PEMT: variants seen among roughly 807,000 people sequenced by gnomAD.
PEMT encodes the protein phosphatidylethanolamine N-methyltransferase, also known as phospholipid methyltransferase.
A neutral mutation model predicts 27.4 loss-of-function variants in PEMT; 23 were observed. That is an observed-to-expected ratio of 0.84 (90% CI 0.60 to 1.19). PEMT has a LOEUF of 1.19. PEMT is among the 50% of genes most tolerant of loss of function. The probability of loss-of-function intolerance (pLI) is 0.00; values close to 1 mark genes in which losing one functional copy is unlikely to be tolerated. For synonymous variants in PEMT, 137 were observed against 139.1 expected, an observed-to-expected ratio of 0.98 and a Z score of 0.11; for missense variants, 307 against 310.1, an observed-to-expected ratio of 0.99 and a Z score of 0.07.
intron 3 of PEMT, 54 bp downstream of exon 3, chr17:17,522,226 G>T (rs147655774): frequency 3.8e-6 from 5 of 1,305,784 alleles, no homozygotes; most frequent in Non-Finnish European, 5.5e-6. Context: ...CACCAGTAGC[G>T]GCCCTCCCGC....
rs70963033 is a variant in PEMT at position 17,515,421 on chromosome 17, C to A, written c.321-2767G>T. On this transcript the variant is annotated intron_variant, in intron 3 of 6. Transcript: ENST00000255389. ...ATTTGCCCCAGACCTGACCCTCAGT[C>A]CCCCAGCTGCTCCTCCGCCTACGGC... 3.3e-3 allele frequency among the ~76,000 whole-genome samples: 504 copies of A among 152,288 alleles called. 13 individuals carry two copies. The East Asian group carries it at 0.084, about 25-fold the overall frequency.
At chr17:17,545,871 T>C (rs577198065) in intron 2 of PEMT, among the ~76,000 whole-genome samples, 43 of 152,290 alleles carry the variant, frequency 2.8e-4, no homozygotes, top group African/African-American at 1.0e-3. Flanking sequence ...TACTTTTCTG[T>C]ATGCTTAAAA....
Position 17,512,392 on chromosome 17 carries a change from G to A in PEMT, c.466+117C>T. On this transcript the variant is annotated intron_variant, in intron 4 of 6. Coordinates refer to ENST00000255389, the MANE Select transcript of PEMT (RefSeq NM_148172.3). The surrounding 1 kb of genome is among the most constrained non-coding windows in gnomAD (Gnocchi z 6.3). The stretch of plus-strand genomic sequence containing the variant: ...GAGGAGCAAAGACGCCCCGATGGAG[G>A]GGGCCCCTAGCACTCCCACCGATGT... 1 of 1,023,758 alleles carries A rather than the reference G, an allele frequency of 9.8e-7. No homozygotes were observed. Among genetic ancestry groups the A allele is most frequent in the Non-Finnish European group, 1.3e-6 (1 of 751,766 alleles). 63.4% of individuals were successfully genotyped at this position (1,023,758 alleles called of 1,614,324 possible).
chr17:17,514,524 T>A (rs974717828), intron 3 of PEMT, among the ~76,000 whole-genome samples: 2 of 152,190 alleles, frequency 1.3e-5, no homozygotes, highest in Non-Finnish European at 2.9e-5. Context: ...ACAGCGGCAT[T>A]CGGGTGTCAG....
intron 2 of PEMT, among the ~76,000 whole-genome samples, chr17:17,534,781 C>T (rs957452551): frequency 2.0e-5 from 3 of 152,110 alleles, no homozygotes; most frequent in Admixed American, 2.0e-4. Flanking sequence ...TGCTGCAGCA[C>T]GAATGCACTC....
At chr17:17,588,830 G>A (rs1288656980) in intron 1 of PEMT, among the ~76,000 whole-genome samples, 4 of 152,252 alleles carry the variant, frequency 2.6e-5, no homozygotes, top group African/African-American at 9.6e-5. Flanking sequence ...TCAGGCAGCT[G>A]CCCAGCTGAG....
intron 2 of PEMT, among the ~76,000 whole-genome samples, chr17:17,553,422 T>A (rs1353642907): frequency 6.6e-6 from 1 of 152,180 alleles, no homozygotes; most frequent in East Asian, 1.9e-4. Context: ...CGACAAGAGA[T>A]GGAAAGAGCG....
chr17:17,587,771 G>A (rs1327976115), intron 1 of PEMT, among the ~76,000 whole-genome samples: 3 of 152,168 alleles, frequency 2.0e-5, no homozygotes, highest in Non-Finnish European at 2.9e-5. Context: ...AGCTACTCGG[G>A]AGCCTGAGGT....
chr17:17,564,207 A>G (rs899621550), intron 2 of PEMT, among the ~76,000 whole-genome samples: 1 of 152,130 alleles, frequency 6.6e-6, no homozygotes, highest in Non-Finnish European at 1.5e-5. Context: ...CACTGGTCCC[A>G]CAGTTGCTTC....
chr17:17,565,798 A>G (rs1182424397), intron 2 of PEMT, among the ~76,000 whole-genome samples: 3 of 152,262 alleles, frequency 2.0e-5, no homozygotes, highest in Admixed American at 6.5e-5. Flanking sequence ...CCTAGAGGCC[A>G]TGAGAATTTT....
chr17:17,576,806 G>T, intron 2 of PEMT, 114 bp downstream of exon 2: 6 of 801,530 alleles, frequency 7.5e-6, no homozygotes, highest in Non-Finnish European at 1.3e-5. Flanking sequence ...GGAGGGAAGA[G>T]CAGAGCTGTC....
At position 17,505,811 on chromosome 17, in the gene PEMT, C is replaced by T. The variant is rs70965427; in HGVS notation, c.691G>A (p.Gly231Arg). 2.7e-3 allele frequency: 4,310 copies of T among 1,611,400 alleles called. 8 individuals are homozygous for T. Among genetic ancestry groups the T allele is most frequent in the Non-Finnish European group, 3.5e-3 (4,089 of 1,178,652 alleles). ...TAEIYRQKAS[G>R]SHKRS Reference sequence around the variant, plus strand: ...CTCAATCAGCTCCTCTTGTGGGACCCGGAGGCTTTCTGCCGGTAGATCTCA... The same window carrying T: ...CTCAATCAGCTCCTCTTGTGGGACCTGGAGGCTTTCTGCCGGTAGATCTCA... The change falls in exon 7 of 7, where the codon GGG becomes AGG. Residue 231 changes from glycine to arginine, a missense_variant. Physicochemically the swap from Gly to Arg is moderately radical, Grantham distance 125. Coordinates refer to ENST00000255389, the MANE Select transcript of PEMT (RefSeq NM_148172.3).
At chr17:17,547,034 G>C (rs1315082349) in intron 2 of PEMT, among the ~76,000 whole-genome samples, 2 of 152,262 alleles carry the variant, frequency 1.3e-5, no homozygotes, top group African/African-American at 2.4e-5. Context: ...CTGGTCTCCA[G>C]CTCCAGGCGT....
At chr17:17,534,788 A>C (rs567539091) in intron 2 of PEMT, among the ~76,000 whole-genome samples, 21 of 152,280 alleles carry the variant, frequency 1.4e-4, no homozygotes, top group African/African-American at 4.1e-4. Context: ...GCACGAATGC[A>C]CTCCAGCCTG....
chr17:17,556,149 C>A (rs1033756338), intron 2 of PEMT, among the ~76,000 whole-genome samples: 1 of 152,206 alleles, frequency 6.6e-6, no homozygotes, highest in Non-Finnish European at 1.5e-5. Flanking sequence ...GTCCCCCAGA[C>A]CATGAGCTCC....
At chr17:17,539,629 G>A (rs761065106) in intron 2 of PEMT, among the ~76,000 whole-genome samples, 30 of 152,324 alleles carry the variant, frequency 2.0e-4, no homozygotes, top group Non-Finnish European at 3.8e-4. Context: ...CTGTGTAACT[G>A]TGTATTTTCA....
chr17:17,516,857 C>T (rs973314986), intron 3 of PEMT, among the ~76,000 whole-genome samples: 1 of 152,206 alleles, frequency 6.6e-6, no homozygotes, highest in Non-Finnish European at 1.5e-5. Context: ...CCTTACTCTC[C>T]AGCTGCCCTC....
chr17:17,563,229 C>T (rs1286932356), intron 2 of PEMT, among the ~76,000 whole-genome samples: 1 of 152,162 alleles, frequency 6.6e-6, no homozygotes, highest in Admixed American at 6.5e-5. Flanking sequence ...CCAGCTGCTC[C>T]TTAACAGCAC....
intron 2 of PEMT, among the ~76,000 whole-genome samples, chr17:17,529,434 G>A (rs1235302273): frequency 6.6e-6 from 1 of 152,214 alleles, no homozygotes; most frequent in Non-Finnish European, 1.5e-5. Flanking sequence ...CTGCTCGAGG[G>A]CTCCAACAGT....
Sources: allele counts gnomAD v4.1 joint callset (sites outside exome capture counted in the v4.1 genomes callset), GRCh38; gene constraint gnomAD v4.1.1; non-coding constraint Gnocchi (gnomAD v3.1); transcripts MANE v1.5; gene names NCBI Gene and HGNC (gene_info 2026-07-23, HGNC 2026-07-21).